RANGAP1: variants seen among roughly 807,000 people sequenced by gnomAD.
RANGAP1 encodes the protein ran GTPase-activating protein 1.
A neutral mutation model predicts 63.5 loss-of-function variants in RANGAP1; 38 were observed. The observed-to-expected ratio is 0.60, with a 90% CI of 0.46 to 0.78. The LOEUF is 0.78. Ranked by LOEUF, RANGAP1 falls within the 30% of genes least tolerant of loss-of-function variation. The pLI is 0.00. For synonymous variants in RANGAP1, 329 were observed against 310.5 expected (o/e 1.06, Z -0.63); for missense variants, 630 against 740.3 (o/e 0.85, Z 1.73).
the RANGAP1 span, among the ~76,000 whole-genome samples, chr22:41,294,774 G>A: frequency 4.7e-5 from 6 of 128,744 alleles, no homozygotes; most frequent in East Asian, 4.5e-4. Context: ...CCCTCCGCCC[G>A]GCAGCCGCCC....
chr22:41,293,769 AAAAAAAAAAAAAG>A, the RANGAP1 span, among the ~76,000 whole-genome samples: 6 of 123,162 alleles, frequency 4.9e-5, no homozygotes, highest in Admixed American at 1.1e-4. Flanking sequence ...TCAAAAAAAA[AAAAAAAAAAAAAG>A]AAAAGAAATA....
At chr22:41,292,563 C>T in the RANGAP1 span, among the ~76,000 whole-genome samples, 4 of 149,978 alleles carry the variant, frequency 2.7e-5, no homozygotes, top group South Asian at 2.1e-4. Context: ...TTTTGAGACC[C>T]GCCTGACCAA....
chr22:41,254,441 G>GCTTCCTCTTCTTCCTCTTCTC lies in RANGAP1; in HGVS notation c.1106_1126dup (p.Gly369_Glu375dup). 2 of 1,610,106 alleles carry GCTTCCTCTTCTTCCTCTTCTC rather than the reference G, an allele frequency of 1.2e-6. No homozygotes were observed. The highest frequency in any genetic ancestry group is 1.1e-5 in the South Asian group (1 of 90,660). On this transcript the variant is annotated inframe_insertion, in exon 11 of 16. Coordinates refer to ENST00000356244, the MANE Select transcript of RANGAP1 (RefSeq NM_002883.4). ...CTCATCTTCCTCCTCCTCTTCTTCT[G>GCTTCCTCTTCTTCCTCTTCTC]CTTCCTCTTCTTCCTCTTCTCCTTC...
At chr22:41,254,575 A>G in intron 10 of RANGAP1, 81 bp from the exon 11 acceptor site, 1 of 1,497,686 alleles carries the variant, frequency 6.7e-7, no homozygotes. Flanking sequence ...ATGAGCCCAG[A>G]GACCTCACCT....
In RANGAP1 at chr22:41,245,265, A is replaced by G. The variant is rs567364018; in HGVS notation, c.*1338T>C. On this transcript the variant is annotated 3_prime_UTR_variant, in exon 16 of 16. Transcript: ENST00000356244. ...GGACATGGGCTCCCAAAGCACATAC[A>G]TGGTGTAGGGTAGGAGGTAAGGAAG... 3.0e-4 allele frequency among the ~76,000 whole-genome samples: 46 copies of G among 152,328 alleles called. No individual in the cohort carries two copies. In the South Asian group the frequency reaches 9.3e-3, roughly 31 times the overall value.
chr22:41,294,035 C>T, the RANGAP1 span, among the ~76,000 whole-genome samples: 2 of 139,688 alleles, frequency 1.4e-5, no homozygotes, highest in African/African-American at 5.3e-5. Flanking sequence ...TCTCCCTCTC[C>T]TTCTCCCTCT....
chr22:41,262,610 A>G (rs1287216005), intron 5 of RANGAP1, among the ~76,000 whole-genome samples: 2 of 152,190 alleles, frequency 1.3e-5, no homozygotes, highest in African/African-American at 2.4e-5. Flanking sequence ...CTTGAGGAAC[A>G]GAAGAGCCAG....
intron 13 of RANGAP1, 36 bp downstream of exon 13, chr22:41,250,971 A>G: frequency 6.4e-7 from 1 of 1,564,014 alleles, no homozygotes; most frequent in Admixed American, 1.7e-5. Context: ...GCATCAAGGG[A>G]CAGAGGGCAC....
chr22:41,276,169 A>T (rs1232929125), intron 2 of RANGAP1, among the ~76,000 whole-genome samples: 1 of 152,230 alleles, frequency 6.6e-6, no homozygotes, highest in Non-Finnish European at 1.5e-5. Context: ...ACAAACACAC[A>T]TGCACACATG....
intron 1 of RANGAP1, chr22:41,281,291 G>T: frequency 1.3e-6 from 1 of 774,514 alleles, no homozygotes; most frequent in Non-Finnish European, 1.8e-6. Flanking sequence ...GAAAAATCAT[G>T]TCTTAGCCTA....
intron 1 of RANGAP1, 97 bp from the exon 2 acceptor site, chr22:41,281,179 C>G (rs1237530312): frequency 1.6e-6 from 2 of 1,288,288 alleles, no homozygotes; most frequent in East Asian, 5.0e-5. Flanking sequence ...TCTGACCCTA[C>G]CTCCCCTGCT....
chr22:41,264,260 T>C (rs1215692994), intron 5 of RANGAP1, among the ~76,000 whole-genome samples: 1 of 148,024 alleles, frequency 6.8e-6, no homozygotes, highest in Non-Finnish European at 1.5e-5. Context: ...CAAGGCCCTG[T>C]CTAGGAATAA....
chr22:41,279,130 G>T (rs1157062272), intron 2 of RANGAP1, among the ~76,000 whole-genome samples: 2 of 147,618 alleles, frequency 1.4e-5, no homozygotes, highest in Admixed American at 1.3e-4. Context: ...GTAACAGAGC[G>T]AGACTCCGTC....
intron 1 of RANGAP1, among the ~76,000 whole-genome samples, chr22:41,282,775 A>G (rs2035560201): frequency 6.6e-6 from 1 of 152,234 alleles, no homozygotes; most frequent in Non-Finnish European, 1.5e-5. Context: ...AACGTGGAAC[A>G]TCACTACATA....
At chr22:41,299,107 C>G in the RANGAP1 span, among the ~76,000 whole-genome samples, 1 of 152,000 alleles carries the variant, frequency 6.6e-6, no homozygotes, top group African/African-American at 2.4e-5. Context: ...CTAATACCAT[C>G]AAATCAGGGA....
chr22:41,289,483 C>T (rs1249290337), upstream of RANGAP1, among the ~76,000 whole-genome samples: 4 of 151,916 alleles, frequency 2.6e-5, no homozygotes, highest in African/African-American at 4.8e-5. Context: ...ATTAGCTGGG[C>T]ATGGTGGCAG....
intron 2 of RANGAP1, among the ~76,000 whole-genome samples, chr22:41,277,215 C>T (rs1374020938): frequency 6.7e-6 from 1 of 149,546 alleles, no homozygotes; most frequent in Non-Finnish European, 1.5e-5. Flanking sequence ...GTAGCTGGGA[C>T]TACAGGCGCC....
intron 2 of RANGAP1, among the ~76,000 whole-genome samples, chr22:41,278,614 T>C (rs906633405): frequency 2.0e-5 from 3 of 152,262 alleles, no homozygotes; most frequent in African/African-American, 4.8e-5. Context: ...ACTGAACCTC[T>C]GTGAAAATCC....
At chr22:41,278,669 A>G (rs963671480) in intron 2 of RANGAP1, among the ~76,000 whole-genome samples, 3 of 152,230 alleles carry the variant, frequency 2.0e-5, no homozygotes, top group African/African-American at 7.2e-5. Flanking sequence ...CAAGTTACTT[A>G]AAGTCTCCTA....
Sources: allele counts gnomAD v4.1 joint callset (sites outside exome capture counted in the v4.1 genomes callset), GRCh38; gene constraint gnomAD v4.1.1; transcripts MANE v1.5; gene names NCBI Gene and HGNC (gene_info 2026-07-23, HGNC 2026-07-21).